Variants in ERC1 observed in about 807,000 individuals in gnomAD.
ERC1 encodes the protein ELKS/RAB6-interacting/CAST family member 1, also known as RAB6 interacting protein 2.
In ERC1, 56 loss-of-function variants were observed where a neutral mutation model predicts 132.0. That is an observed-to-expected ratio of 0.42 (90% CI 0.34 to 0.53). The LOEUF (loss-of-function observed/expected upper bound fraction) is 0.53. ERC1 is among the 20% of genes least tolerant of loss of function. The probability of loss-of-function intolerance (pLI) is 0.03; values close to 1 mark genes in which losing one functional copy is unlikely to be tolerated. For missense variants in ERC1, 1,202 were observed against 1,349.9 expected, an observed-to-expected ratio of 0.89 and a Z score of 1.72; for synonymous variants, 478 against 476.1, an observed-to-expected ratio of 1.00 and a Z score of -0.05.
chr12:1,047,818 G>C (rs948799814), intron 2 of ERC1, among the ~76,000 whole-genome samples: 1 of 152,094 alleles, frequency 6.6e-6, no homozygotes, highest in Non-Finnish European at 1.5e-5. Context: ...ATGGGTTTAA[G>C]ACCACAGAGA....
Position 1,489,957 on chromosome 12 carries a change from C to T in ERC1, c.3214-136C>T, listed in dbSNP as rs555096430. The T allele has an allele frequency of 1.6e-5, 16 of 1,028,354 alleles. No individual in the cohort carries two copies. In the African/African-American group the frequency reaches 2.4e-4, roughly 15 times the overall value. 63.7% of individuals were successfully genotyped at this position (1,028,354 alleles called of 1,614,324 possible). On this transcript the variant is annotated intron_variant, in intron 18 of 18. Coordinates refer to ENST00000360905, the MANE Select transcript of ERC1 (RefSeq NM_178040.4). Reference sequence around the variant, plus strand: ...GACGCATTTGATATTTGCTTTTACACTTTTCTTATGGTTAATTTTGATGCA... The same window carrying T: ...GACGCATTTGATATTTGCTTTTACATTTTTCTTATGGTTAATTTTGATGCA...
chr12:1,479,229 G>C (rs1216265717), intron 18 of ERC1, among the ~76,000 whole-genome samples: 1 of 152,154 alleles, frequency 6.6e-6, no homozygotes, highest in East Asian at 1.9e-4. Flanking sequence ...CATTTGTATA[G>C]CTTTGTTCTT....
chr12:1,061,844 C>T (rs972961078), intron 2 of ERC1, among the ~76,000 whole-genome samples: 2 of 151,744 alleles, frequency 1.3e-5, no homozygotes, highest in African/African-American at 4.8e-5. Flanking sequence ...CTTTCAGGTT[C>T]CTTGAGATGC....
At chr12:1,223,989 A>G (rs1319468589) in intron 12 of ERC1, among the ~76,000 whole-genome samples, 1 of 152,172 alleles carries the variant, frequency 6.6e-6, no homozygotes, top group Non-Finnish European at 1.5e-5. Context: ...ATGTTAATCT[A>G]CTTATAAGGA....
intron 12 of ERC1, among the ~76,000 whole-genome samples, chr12:1,197,591 T>C (rs1436195962): frequency 2.0e-5 from 3 of 152,212 alleles, no homozygotes; most frequent in African/African-American, 7.2e-5. Flanking sequence ...GGGCCAGTTT[T>C]TCTACACATG....
At chr12:1,470,846 T>C (rs2093846148) in intron 18 of ERC1, among the ~76,000 whole-genome samples, 1 of 152,234 alleles carries the variant, frequency 6.6e-6, no homozygotes, top group Non-Finnish European at 1.5e-5. Context: ...GCTTCAGGAC[T>C]GTACTTCGTC....
rs544921542 is a variant in ERC1 at position 1,200,417 on chromosome 12, C to G, written c.2351+10365C>G. 2.0e-5 allele frequency among the ~76,000 whole-genome samples: 3 copies of G among 152,314 alleles called. No homozygotes were observed. The East Asian group carries it at 5.8e-4, about 29-fold the overall frequency. On this transcript the variant is annotated intron_variant, in intron 12 of 18. Transcript: ENST00000360905. ...ACTGACCTCCTTTCGCTAGTAATCT[C>G]TCTTTCCTTTACTTGTGCTTTTCCA...
At chr12:1,204,364 A>G (rs1957171034) in intron 12 of ERC1, 7 of 595,736 alleles carry the variant, frequency 1.2e-5, no homozygotes, top group African/African-American at 1.8e-5. Flanking sequence ...TAGTGACTGT[A>G]TAGAATTTGT....
At chr12:1,477,924 T>C (rs984903285) in intron 18 of ERC1, among the ~76,000 whole-genome samples, 4 of 152,258 alleles carry the variant, frequency 2.6e-5, no homozygotes, top group African/African-American at 9.6e-5. Context: ...TTGTTATACA[T>C]ATAGTTCATT....
intron 11 of ERC1, among the ~76,000 whole-genome samples, chr12:1,185,604 T>C (rs1169547898): frequency 1.3e-5 from 2 of 152,154 alleles, no homozygotes; most frequent in Non-Finnish European, 2.9e-5. Flanking sequence ...AGCCAAGTGT[T>C]GCCAGAAAGT....
chr12:1,271,101 CAA>C (rs1162325696), intron 14 of ERC1, among the ~76,000 whole-genome samples: 20 of 152,014 alleles, frequency 1.3e-4, no homozygotes, highest in Non-Finnish European at 2.9e-4. Context: ...ATTTATATAT[CAA>C]GTTAAAATCA....
intron 8 of ERC1, among the ~76,000 whole-genome samples, chr12:1,144,751 A>C (rs1046515272): frequency 1.3e-5 from 2 of 150,632 alleles, no homozygotes; most frequent in African/African-American, 5.0e-5. Context: ...TGCTATTATA[A>C]ACATGCCTGT....
chr12:1,211,944 T>G (rs1957919831), intron 12 of ERC1, among the ~76,000 whole-genome samples: 1 of 152,110 alleles, frequency 6.6e-6, no homozygotes, highest in Non-Finnish European at 1.5e-5. Flanking sequence ...GGAGGTCAAT[T>G]AAATATAAAC....
At chr12:1,172,565 A>AC (rs771983668) in intron 8 of ERC1, among the ~76,000 whole-genome samples, 4 of 152,056 alleles carry the variant, frequency 2.6e-5, no homozygotes, top group East Asian at 1.9e-4. Flanking sequence ...GTTGGGTATC[A>AC]CCCCCCTTCT....
chr12:1,467,852 G>A (rs534680939), intron 18 of ERC1, among the ~76,000 whole-genome samples: 18 of 152,282 alleles, frequency 1.2e-4, no homozygotes, highest in Admixed American at 5.9e-4. Flanking sequence ...TAGATCCCTC[G>A]CGTGCGTGGT....
chr12:1,335,160 G>A (rs535056805), intron 15 of ERC1, among the ~76,000 whole-genome samples: 287 of 152,226 alleles, frequency 1.9e-3, no homozygotes, highest in African/African-American at 6.5e-3. Context: ...ATACAGGATT[G>A]TGTCATCTGC....
At chr12:1,281,003 G>T (rs2078641686) in intron 14 of ERC1, among the ~76,000 whole-genome samples, 1 of 152,110 alleles carries the variant, frequency 6.6e-6, no homozygotes, top group Non-Finnish European at 1.5e-5. Flanking sequence ...TTATTTCTAG[G>T]TGGCAGTTTG....
intron 12 of ERC1, among the ~76,000 whole-genome samples, chr12:1,202,922 C>T (rs558871122): frequency 1.3e-4 from 20 of 152,298 alleles, no homozygotes; most frequent in Middle Eastern, 3.4e-3. Context: ...ATTTAGAGAT[C>T]GGCTTCTTTC....
chr12:1,138,055 T>C, intron 7 of ERC1, among the ~76,000 whole-genome samples: 2 of 112,424 alleles, frequency 1.8e-5, no homozygotes, highest in Non-Finnish European at 3.7e-5. Context: ...TACAATTATA[T>C]ATAATTATAT....
Sources: allele counts gnomAD v4.1 joint callset (sites outside exome capture counted in the v4.1 genomes callset), GRCh38; gene constraint gnomAD v4.1.1; transcripts MANE v1.5; gene names NCBI Gene and HGNC (gene_info 2026-07-23, HGNC 2026-07-21).